The following IL1R2 variants were observed in gnomAD, a reference collection of about 807,000 sequenced individuals.
IL1R2 encodes the protein interleukin 1 receptor type 2.
In IL1R2, 46 loss-of-function variants were observed where a neutral mutation model predicts 39.5. The observed-to-expected ratio is 1.16, with a 90% CI of 0.92 to 1.49. The LOEUF is 1.49. Among genes scored for constraint, IL1R2 ranks in the 40% most tolerant of loss-of-function variants. The pLI is 0.00. For missense variants in IL1R2, 537 were observed against 502.0 expected (o/e 1.07, Z -0.67); for synonymous variants, 207 against 189.6 (o/e 1.09, Z -0.75).
intron 1 of IL1R2, among the ~76,000 whole-genome samples, chr2:102,006,314 A>T (rs1414927290): frequency 1.3e-5 from 2 of 152,242 alleles, no homozygotes; most frequent in African/African-American, 4.8e-5. Flanking sequence ...AAGTCACAGG[A>T]ACTATTTGTG....
intron 4 of IL1R2, among the ~76,000 whole-genome samples, chr2:102,018,215 T>C (rs2236928): frequency 0.17 from 25,653 of 152,142 alleles, 2,587 homozygotes; most frequent in East Asian, 0.28. Flanking sequence ...AGATTATAGG[T>C]GCAAGCCCCC....
At chr2:102,023,387 C>G (rs369694909) in intron 6 of IL1R2, 14 of 152,366 alleles carry the variant, frequency 9.2e-5, no homozygotes, top group South Asian at 6.2e-4. Context: ...TTCTGGCTCC[C>G]TGGGGCTTCC....
intron 3 of IL1R2, 130 bp downstream of exon 3, chr2:102,009,956 C>T (rs554182056): frequency 2.1e-5 from 23 of 1,090,624 alleles, no homozygotes; most frequent in African/African-American, 9.4e-5. Context: ...CATTGCATCC[C>T]GTTTGCTGTT....
intron 1 of IL1R2, among the ~76,000 whole-genome samples, chr2:101,993,351 T>A (rs1011279309): frequency 1.6e-4 from 24 of 152,122 alleles, no homozygotes; most frequent in African/African-American, 5.8e-4. Flanking sequence ...AATAGTAAGG[T>A]CAAGGGTGAT....
intron 3 of IL1R2, among the ~76,000 whole-genome samples, chr2:102,011,143 T>A (rs1046896677): frequency 2.6e-5 from 4 of 152,232 alleles, no homozygotes; most frequent in Non-Finnish European, 5.9e-5. Context: ...TATTTATCCA[T>A]CCAGGGACAC....
At chr2:102,023,946 C>T (rs932825363) in intron 6 of IL1R2, among the ~76,000 whole-genome samples, 7 of 151,582 alleles carry the variant, frequency 4.6e-5, no homozygotes, top group African/African-American at 9.7e-5. Flanking sequence ...CTCCTCGGGG[C>T]GCCGAGGCAG....
intron 4 of IL1R2, among the ~76,000 whole-genome samples, chr2:102,018,926 T>C (rs1179758301): frequency 1.3e-5 from 2 of 152,244 alleles, no homozygotes; most frequent in East Asian, 3.8e-4. Flanking sequence ...GTGTTCTCGT[T>C]CGGAGTAAGA....
chr2:102,019,588 T>G, intron 4 of IL1R2, 50 bp from the exon 5 acceptor site: 250 of 1,248,432 alleles, frequency 2.0e-4, no homozygotes, highest in Non-Finnish European at 2.6e-4. Context: ...TCATAGCCTT[T>G]GAGATGTATA....
intron 1 of IL1R2, among the ~76,000 whole-genome samples, chr2:101,993,376 A>G (rs1395955414): frequency 6.6e-6 from 1 of 152,092 alleles, no homozygotes; most frequent in East Asian, 1.9e-4. Flanking sequence ...AGTACAGTCG[A>G]TGAATCCAAG....
intron 7 of IL1R2, 88 bp downstream of exon 7, chr2:102,024,756 T>C: frequency 6.8e-7 from 1 of 1,463,590 alleles, no homozygotes; most frequent in Non-Finnish European, 9.1e-7. Flanking sequence ...ACATACCACA[T>C]TAAAAGTTAC....
intron 3 of IL1R2, among the ~76,000 whole-genome samples, chr2:102,011,058 T>C (rs2298939): frequency 0.16 from 24,507 of 152,190 alleles, 2,329 homozygotes; most frequent in East Asian, 0.32. Flanking sequence ...TGTTGTAGCA[T>C]GAGTCAGAGT....
At chr2:102,006,127 G>T (rs1456362096) in intron 1 of IL1R2, among the ~76,000 whole-genome samples, 1 of 152,206 alleles carries the variant, frequency 6.6e-6, no homozygotes, top group Non-Finnish European at 1.5e-5. Flanking sequence ...GTATTGGTTA[G>T]CTACAGTGTA....
At chr2:102,001,668 T>G (rs543801353) in intron 1 of IL1R2, among the ~76,000 whole-genome samples, 5 of 152,366 alleles carry the variant, frequency 3.3e-5, no homozygotes, top group African/African-American at 9.6e-5. Flanking sequence ...GGTCATGTAT[T>G]TCTCTGTATC....
At chr2:102,010,088 C>T (rs556280270) in intron 3 of IL1R2, 95 of 495,858 alleles carry the variant, frequency 1.9e-4, no homozygotes, top group Non-Finnish European at 1.2e-4. Context: ...GTCACTCTCT[C>T]CTTACCCTGC....
At position 102,009,977 on chromosome 2, in the gene IL1R2, C is replaced by T. The variant is rs114885990; in HGVS notation, c.332+151C>T. On this transcript the variant is annotated intron_variant, in intron 3 of 8. Transcript: ENST00000332549. ...ATCCCGTTTGCTGTTCCTGACACCC[C>T]CCCCAACCCTACAGTCTCATTCTGT... 8.4e-4 allele frequency: 696 copies of T among 825,246 alleles called. 6 individuals carry two copies. The African/African-American group carries it at 0.011, about 13-fold the overall frequency. The allele number at this position is 825,246 out of a possible 1,614,324, so 51.1% of individuals were successfully genotyped here. A position where few individuals can be genotyped will look rare whatever the true frequency, so the allele number is the denominator to read the frequency against.
At chr2:101,996,777 C>T (rs1361257610) in intron 1 of IL1R2, among the ~76,000 whole-genome samples, 1 of 151,146 alleles carries the variant, frequency 6.6e-6, no homozygotes, top group Non-Finnish European at 1.5e-5. Context: ...TATACTCAGA[C>T]CCAGTATATA....
At chr2:102,023,652 A>G (rs1202129639) in intron 6 of IL1R2, 1 of 151,704 alleles carries the variant, frequency 6.6e-6, no homozygotes, top group African/African-American at 2.4e-5. Context: ...TTTTCCTTCT[A>G]CTCTTCTTTG....
intron 1 of IL1R2, among the ~76,000 whole-genome samples, chr2:102,002,630 G>A (rs1675945186): frequency 6.6e-6 from 1 of 151,768 alleles, no homozygotes; most frequent in East Asian, 1.9e-4. Context: ...GTCTATGTCT[G>A]TGTCTGTGTT....
chr2:102,024,389 T>G, intron 6 of IL1R2, 144 bp from the exon 7 acceptor site: 1 of 651,334 alleles, frequency 1.5e-6, no homozygotes, highest in African/African-American at 1.8e-5. Context: ...ACAGAATCAT[T>G]TGAGAAAACT....
Sources: gnomAD v4.1 joint callset for allele counts (sites outside exome capture counted in the v4.1 genomes callset) on GRCh38, gnomAD v4.1.1 for gene constraint, MANE v1.5 for transcripts, NCBI Gene and HGNC (gene_info 2026-07-23, HGNC 2026-07-21) for gene names.